The following KCNIP4 variants were observed in gnomAD, a reference collection of about 807,000 sequenced individuals.
KCNIP4 encodes Kv channel-interacting protein 4.
In KCNIP4, 12 loss-of-function variants were observed where a neutral mutation model predicts 34.0. The ratio of observed to expected loss-of-function variants is 0.35; its 90% CI spans 0.23 to 0.57. The LOEUF is 0.57. KCNIP4 is among the 20% of genes least tolerant of loss of function. The pLI is 0.83. For synonymous variants in KCNIP4, 124 were observed against 102.2 expected (o/e 1.21, Z -1.29); for missense variants, 238 against 311.7 (o/e 0.76, Z 1.78).
intron 1 of KCNIP4, among the ~76,000 whole-genome samples, chr4:21,388,913 C>T (rs1182502516): frequency 6.6e-6 from 1 of 151,498 alleles, no homozygotes; most frequent in East Asian, 1.9e-4. Flanking sequence ...GGGTTGTTTT[C>T]ATCTTTTGAG....
At chr4:21,311,458 A>G (rs915443902) in intron 1 of KCNIP4, among the ~76,000 whole-genome samples, 3 of 152,190 alleles carry the variant, frequency 2.0e-5, no homozygotes. Flanking sequence ...TGGGAGGCCT[A>G]GGTGGGCGGA....
chr4:21,377,679 G>A (rs749295572), intron 1 of KCNIP4, among the ~76,000 whole-genome samples: 8 of 152,148 alleles, frequency 5.3e-5, no homozygotes, highest in Admixed American at 1.3e-4. Context: ...CAGGCAATGT[G>A]TGAGAATATT....
chr4:21,205,223 G>T (rs971049047), intron 1 of KCNIP4, among the ~76,000 whole-genome samples: 1 of 152,156 alleles, frequency 6.6e-6, no homozygotes, highest in African/African-American at 2.4e-5. Context: ...TTTTCTGAGA[G>T]CACGTTCTAA....
chr4:21,048,407 G>A (rs946525024), intron 1 of KCNIP4, among the ~76,000 whole-genome samples: 4 of 152,106 alleles, frequency 2.6e-5, no homozygotes, highest in South Asian at 2.1e-4. Flanking sequence ...AACTTGTCAC[G>A]TGGCCCTAAT....
intron 1 of KCNIP4, among the ~76,000 whole-genome samples, chr4:20,928,144 T>C (rs1224808043): frequency 6.6e-6 from 1 of 152,064 alleles, no homozygotes; most frequent in African/African-American, 2.4e-5. Context: ...ATTTTTAATG[T>C]CACCTATAAA....
chr4:21,397,163 A>C (rs1723078947), intron 1 of KCNIP4, among the ~76,000 whole-genome samples: 1 of 152,248 alleles, frequency 6.6e-6, no homozygotes, highest in African/African-American at 2.4e-5. Flanking sequence ...CTCATTAGAA[A>C]TTAAATCTGA....
intron 1 of KCNIP4, among the ~76,000 whole-genome samples, chr4:21,405,482 G>A (rs73104166): frequency 0.034 from 5,101 of 152,222 alleles, 226 homozygotes; most frequent in African/African-American, 0.084. Context: ...ATTGGAGCCC[G>A]GTATATTTGG....
chr4:21,520,367 G>A (rs1259790924), intron 1 of KCNIP4, among the ~76,000 whole-genome samples: 1 of 152,076 alleles, frequency 6.6e-6, no homozygotes, highest in African/African-American at 2.4e-5. Context: ...AAAAATAAAT[G>A]TTTGTCGTTT....
chr4:20,915,010 C>T (rs1577359435), intron 1 of KCNIP4, among the ~76,000 whole-genome samples: 1 of 152,166 alleles, frequency 6.6e-6, no homozygotes, highest in South Asian at 2.1e-4. Flanking sequence ...CACAACCTTG[C>T]AGTAAGAGAG....
chr4:21,785,292 C>T (rs1426788382), intron 1 of KCNIP4, among the ~76,000 whole-genome samples: 3 of 149,776 alleles, frequency 2.0e-5, no homozygotes, highest in Non-Finnish European at 4.4e-5. Flanking sequence ...TATATCACTT[C>T]GAAAAAAAAA....
In KCNIP4 at chr4:21,473,075, C is replaced by G. The variant is rs181698424; in HGVS notation, c.61+475496G>C. Reference sequence around the variant, plus strand: ...CAAGTTGAACCTGATCTCTTTCTTTCTGACATGATGATTGGCAACGTTTCG... The same window carrying G: ...CAAGTTGAACCTGATCTCTTTCTTTGTGACATGATGATTGGCAACGTTTCG... On this transcript the variant is annotated intron_variant, in intron 1 of 8. Coordinates refer to ENST00000382152, the MANE Select transcript of KCNIP4 (RefSeq NM_025221.6). 3.9e-5 allele frequency among the ~76,000 whole-genome samples: 6 copies of G among 152,268 alleles called. No individual in the cohort carries two copies. In the East Asian group the frequency reaches 1.2e-3, roughly 29 times the overall value.
chr4:21,064,396 C>T (rs572261617), intron 1 of KCNIP4, among the ~76,000 whole-genome samples: 3 of 150,004 alleles, frequency 2.0e-5, no homozygotes, highest in Non-Finnish European at 4.4e-5. Flanking sequence ...ACTCCCGTTA[C>T]CTCACAGGAA....
chr4:21,084,500 G>C (rs2109027142), intron 1 of KCNIP4, among the ~76,000 whole-genome samples: 1 of 149,166 alleles, frequency 6.7e-6, no homozygotes, highest in South Asian at 2.2e-4. Flanking sequence ...TTAGGCCTGA[G>C]AATAGACTGG....
At chr4:20,835,111 T>A (rs1341708305) in intron 3 of KCNIP4, among the ~76,000 whole-genome samples, 1 of 152,186 alleles carries the variant, frequency 6.6e-6, no homozygotes, top group Non-Finnish European at 1.5e-5. Context: ...CACCTCTCTG[T>A]CCTTATCTTG....
intron 5 of KCNIP4, among the ~76,000 whole-genome samples, chr4:20,743,665 C>G (rs965283701): frequency 4.6e-5 from 7 of 152,086 alleles, no homozygotes; most frequent in Non-Finnish European, 1.0e-4. Context: ...ACCATAAAAA[C>G]CCTAGAAGAA....
chr4:20,752,311 A>G (rs4104367), intron 4 of KCNIP4, among the ~76,000 whole-genome samples: 109,653 of 151,898 alleles, frequency 0.72, 39,781 homozygotes, highest in African/African-American at 0.79. Flanking sequence ...AGCCTGCCTC[A>G]GCCTCCCAAA....
At chr4:21,733,033 A>G (rs944722744) in intron 1 of KCNIP4, among the ~76,000 whole-genome samples, 2 of 152,176 alleles carry the variant, frequency 1.3e-5, no homozygotes, top group Non-Finnish European at 2.9e-5. Flanking sequence ...GAAAACTTTC[A>G]CAAACTGTAC....
chr4:21,766,325 C>T (rs1397995215), intron 1 of KCNIP4, among the ~76,000 whole-genome samples: 1 of 152,098 alleles, frequency 6.6e-6, no homozygotes, highest in Non-Finnish European at 1.5e-5. Context: ...GTTTCCCTTA[C>T]CCACTTTATG....
At chr4:21,694,330 G>A (rs4235290) in intron 1 of KCNIP4, among the ~76,000 whole-genome samples, 68,765 of 151,902 alleles carry the variant, frequency 0.45, 18,672 homozygotes, top group Non-Finnish European at 0.61. Flanking sequence ...CAGATCTCAA[G>A]CTGAGAAGAA....
Sources: gnomAD v4.1 joint callset for allele counts (sites outside exome capture counted in the v4.1 genomes callset) on GRCh38, gnomAD v4.1.1 for gene constraint, MANE v1.5 for transcripts, NCBI Gene and HGNC (gene_info 2026-07-23, HGNC 2026-07-21) for gene names.